HCN1: variants seen among roughly 807,000 people sequenced by gnomAD.
HCN1 encodes the protein potassium/sodium hyperpolarization-activated cyclic nucleotide-gated channel 1.
In HCN1, 13 loss-of-function variants were observed where a neutral mutation model predicts 78.9. The ratio of observed to expected loss-of-function variants is 0.16; its 90% CI spans 0.11 to 0.26. HCN1 has a LOEUF of 0.26. HCN1 is among the 10% of genes least tolerant of loss of function. The pLI is 1.00. For missense variants in HCN1, 810 were observed against 1,154.3 expected, an observed-to-expected ratio of 0.70 and a Z score of 4.32; for synonymous variants, 552 against 455.5, an observed-to-expected ratio of 1.21 and a Z score of -2.70.
intron 1 of HCN1, among the ~76,000 whole-genome samples, chr5:45,650,594 T>G (rs187736424): frequency 2.0e-5 from 3 of 152,138 alleles, no homozygotes; most frequent in African/African-American, 7.2e-5. Flanking sequence ...TGGAAATATA[T>G]AGAATAGGCT....
intron 2 of HCN1, among the ~76,000 whole-genome samples, chr5:45,529,364 C>T (rs1192026021): frequency 6.6e-6 from 1 of 151,568 alleles, no homozygotes; most frequent in Non-Finnish European, 1.5e-5. Context: ...AGGTAAAGCC[C>T]AATTTTCATG....
intron 3 of HCN1, among the ~76,000 whole-genome samples, chr5:45,461,156 C>G (rs906484863): frequency 6.6e-6 from 1 of 151,870 alleles, no homozygotes; most frequent in African/African-American, 2.4e-5. Context: ...ATAGATATAT[C>G]AACCAAAATA....
At chr5:45,500,676 T>C (rs1324244293) in intron 2 of HCN1, among the ~76,000 whole-genome samples, 3 of 152,170 alleles carry the variant, frequency 2.0e-5, no homozygotes. Flanking sequence ...CTAACCCTTA[T>C]CCGTCAGCAT....
intron 6 of HCN1, among the ~76,000 whole-genome samples, chr5:45,278,306 T>C (rs901549029): frequency 2.6e-5 from 4 of 152,150 alleles, no homozygotes; most frequent in African/African-American, 9.6e-5. Flanking sequence ...AGAAAACTAA[T>C]ATCCTACCTA....
intron 3 of HCN1, among the ~76,000 whole-genome samples, chr5:45,424,291 T>TCAAA (rs758254993): frequency 3.3e-5 from 5 of 151,358 alleles, no homozygotes; most frequent in African/African-American, 4.9e-5. Flanking sequence ...AGACTCCGCC[T>TCAAA]CAAACAAACA....
At chr5:45,642,206 C>T (rs1294463809) in intron 2 of HCN1, 1 of 152,072 alleles carries the variant, frequency 6.6e-6, no homozygotes, top group Non-Finnish European at 1.5e-5. Context: ...ATTTTTACAT[C>T]CCAAATCTAT....
chr5:45,689,610 G>A (rs957762725), intron 1 of HCN1, among the ~76,000 whole-genome samples: 1 of 152,046 alleles, frequency 6.6e-6, no homozygotes, highest in Admixed American at 6.6e-5. Context: ...AGTTGCAGGA[G>A]AGAACTCAGG....
At chr5:45,673,512 T>C (rs1433323005) in intron 1 of HCN1, among the ~76,000 whole-genome samples, 1 of 151,558 alleles carries the variant, frequency 6.6e-6, no homozygotes, top group African/African-American at 2.4e-5. Context: ...CATTATACTT[T>C]GGGTTTATAA....
chr5:45,690,999 G>T (rs1441179350), intron 1 of HCN1, among the ~76,000 whole-genome samples: 2 of 152,076 alleles, frequency 1.3e-5, no homozygotes, highest in Non-Finnish European at 2.9e-5. Flanking sequence ...AATGCATTCT[G>T]CTGGTTTCCT....
chr5:45,305,209 C>T (rs1391395034), intron 5 of HCN1, among the ~76,000 whole-genome samples: 2 of 152,112 alleles, frequency 1.3e-5, no homozygotes, highest in African/African-American at 2.4e-5. Context: ...CCCATCAATT[C>T]CAAGACTGAG....
intron 2 of HCN1, among the ~76,000 whole-genome samples, chr5:45,514,961 GAGTGTT>G (rs1281806901): frequency 6.6e-6 from 1 of 151,858 alleles, no homozygotes; most frequent in African/African-American, 2.4e-5. Flanking sequence ...GCTTTAATTT[GAGTGTT>G]TTTAGATGTT....
chr5:45,365,856 T>C (rs1310625128), intron 4 of HCN1, among the ~76,000 whole-genome samples: 1 of 151,850 alleles, frequency 6.6e-6, no homozygotes, highest in East Asian at 1.9e-4. Flanking sequence ...AAATACCTAC[T>C]TTTCTTTTCC....
At chr5:45,327,156 G>T (rs1166627859) in intron 5 of HCN1, among the ~76,000 whole-genome samples, 1 of 151,518 alleles carries the variant, frequency 6.6e-6, no homozygotes. Flanking sequence ...CTGTAGCAAG[G>T]TGTAAGAATG....
rs187048414 is a variant in HCN1, at chr5:45,447,302, G to A, written c.1011+14544C>T. Among the ~76,000 whole-genome samples the A allele has an allele frequency of 8.5e-5, 13 of 152,286 alleles. No homozygotes were observed. The East Asian group carries it at 2.5e-3, about 29-fold the overall frequency. On this transcript the variant is annotated intron_variant, in intron 3 of 7. Transcript: ENST00000303230. The stretch of plus-strand genomic sequence containing the variant: ...TCACTTAGGGTGAAATGATGCAGTG[G>A]TGTGATCTTGGCTCACTGTAACCAC...
intron 2 of HCN1, among the ~76,000 whole-genome samples, chr5:45,605,436 T>C (rs971924235): frequency 2.6e-5 from 4 of 151,940 alleles, no homozygotes; most frequent in Non-Finnish European, 5.9e-5. Flanking sequence ...TAAATAATCA[T>C]TTATTATGTT....
Position 45,262,296 on chromosome 5 carries a change from T to C in HCN1, c.2298A>G (p.Glu766=), listed in dbSNP as rs766020094. Residue 766 remains glutamate, a synonymous_variant, in exon 8 of 8, where the codon GAA becomes GAG. Coordinates refer to ENST00000303230, the MANE Select transcript of HCN1 (RefSeq NM_021072.4). The part of the protein sequence containing the change: ...QTPGSSTPKN[E]VHKSTQALHN... The stretch of plus-strand genomic sequence containing the variant: ...GAAGCGCCTGCGTGCTCTTGTGCAC[T>C]TCATTTTTCGGCGTGGAGCTGCCAG... 2 of 1,614,004 alleles carry C rather than the reference T, an allele frequency of 1.2e-6. No individual in the cohort carries two copies. Among genetic ancestry groups the C allele is most frequent in the Admixed American group, 1.7e-5 (1 of 60,026 alleles).
chr5:45,301,722 T>A (rs865805141), intron 6 of HCN1, among the ~76,000 whole-genome samples: 42 of 130,250 alleles, frequency 3.2e-4, no homozygotes, highest in Admixed American at 6.3e-4. Flanking sequence ...CCCTGTCATT[T>A]AAAAAAAAAA....
At chr5:45,316,537 C>A (rs918053637) in intron 5 of HCN1, among the ~76,000 whole-genome samples, 1 of 152,172 alleles carries the variant, frequency 6.6e-6, no homozygotes, top group African/African-American at 2.4e-5. Context: ...CACTCCTATT[C>A]AACATAGTGT....
chr5:45,566,053 G>C (rs550681707), intron 2 of HCN1, among the ~76,000 whole-genome samples: 2 of 152,180 alleles, frequency 1.3e-5, no homozygotes, highest in African/African-American at 4.8e-5. Flanking sequence ...CTCTTAAATT[G>C]AGTAGTTCTA....
Sources: allele counts gnomAD v4.1 joint callset (sites outside exome capture counted in the v4.1 genomes callset), GRCh38; gene constraint gnomAD v4.1.1; transcripts MANE v1.5; gene names NCBI Gene and HGNC (gene_info 2026-07-23, HGNC 2026-07-21).